The following GPD2 variants were observed in gnomAD, a reference collection of about 807,000 sequenced individuals.
The protein encoded by GPD2 is glycerol-3-phosphate dehydrogenase, mitochondrial.
GPD2 carries 54 observed loss-of-function variants against 82.4 expected under a neutral mutation model. The ratio of observed to expected loss-of-function variants is 0.66; its 90% CI spans 0.53 to 0.82. The LOEUF is 0.82. Ranked by LOEUF, GPD2 falls within the 40% of genes least tolerant of loss-of-function variation. The probability of loss-of-function intolerance (pLI) is 0.00; values close to 1 mark genes in which losing one functional copy is unlikely to be tolerated. For synonymous variants in GPD2, 288 were observed against 306.1 expected (o/e 0.94, Z 0.62); for missense variants, 748 against 896.2 (o/e 0.83, Z 2.11).
chr2:156,493,454 CTG>C (rs1684256138), intron 2 of GPD2, among the ~76,000 whole-genome samples: 2 of 151,916 alleles, frequency 1.3e-5, no homozygotes, highest in Non-Finnish European at 2.9e-5. Flanking sequence ...ATTGTTGAGA[CTG>C]AGATAGGTTA....
chr2:156,423,631 A>G, the GPD2 span, among the ~76,000 whole-genome samples: 33 of 152,316 alleles, frequency 2.2e-4, no homozygotes, highest in Non-Finnish European at 3.8e-4. Context: ...GTTACAGAAT[A>G]TATTTTATTT....
intron 3 of GPD2, among the ~76,000 whole-genome samples, chr2:156,503,118 C>G (rs1684651612): frequency 6.6e-6 from 1 of 152,124 alleles, no homozygotes; most frequent in African/African-American, 2.4e-5. Flanking sequence ...GGTGCTGGTG[C>G]CAAGGCTGTG....
At chr2:156,433,753 G>A (rs1219859787), upstream of GPD2, among the ~76,000 whole-genome samples, 3 of 152,190 alleles carry the variant, frequency 2.0e-5, no homozygotes, top group East Asian at 3.9e-4. Context: ...AGCTGACATA[G>A]TATGGATTGG....
At chr2:156,562,080 G>T (rs1687196068) in intron 9 of GPD2, among the ~76,000 whole-genome samples, 1 of 152,190 alleles carries the variant, frequency 6.6e-6, no homozygotes, top group African/African-American at 2.4e-5. Flanking sequence ...CTGTGTAGAG[G>T]TTAATCAGAA....
chr2:156,421,167 G>C, the GPD2 span, among the ~76,000 whole-genome samples: 1 of 152,162 alleles, frequency 6.6e-6, no homozygotes, highest in Admixed American at 6.5e-5. Context: ...GAGTAGCAAA[G>C]ATCTAGAATA....
chr2:156,507,823 C>A (rs538018094), intron 3 of GPD2, among the ~76,000 whole-genome samples: 2 of 152,274 alleles, frequency 1.3e-5, no homozygotes, highest in South Asian at 4.1e-4. Flanking sequence ...TTTGTACCTG[C>A]ACTCCAACCC....
intron 1 of GPD2, among the ~76,000 whole-genome samples, chr2:156,458,882 G>A (rs1194499083): frequency 6.6e-6 from 1 of 151,960 alleles, no homozygotes; most frequent in Non-Finnish European, 1.5e-5. Flanking sequence ...ACACAAGGAA[G>A]AAAATAAAAA....
chr2:156,562,066 T>C (rs956356287), intron 9 of GPD2, among the ~76,000 whole-genome samples: 1 of 152,256 alleles, frequency 6.6e-6, no homozygotes, highest in Admixed American at 6.5e-5. Flanking sequence ...TATCATTAAG[T>C]CTGCTGTGTA....
chr2:156,403,639 G>C, the GPD2 span, among the ~76,000 whole-genome samples: 2 of 152,018 alleles, frequency 1.3e-5, no homozygotes, highest in East Asian at 1.9e-4. Context: ...GTGTGTGTGC[G>C]CCTGCATGCA....
At chr2:156,416,153 C>G in the GPD2 span, among the ~76,000 whole-genome samples, 116 of 151,798 alleles carry the variant, frequency 7.6e-4, 1 homozygote, top group African/African-American at 2.7e-3. Context: ...GTATATACCA[C>G]AGTTCTTTGG....
At chr2:156,557,609 C>T (rs773576712) in intron 9 of GPD2, 27 bp downstream of exon 9, 1 of 1,272,686 alleles carries the variant, frequency 7.9e-7, no homozygotes, top group Non-Finnish European at 1.2e-6. Context: ...TTAAGTTTGT[C>T]TCTCTGTGTC....
At chr2:156,402,784 G>C in the GPD2 span, among the ~76,000 whole-genome samples, 1 of 152,010 alleles carries the variant, frequency 6.6e-6, no homozygotes, top group Non-Finnish European at 1.5e-5. Flanking sequence ...CCAAAGTGTT[G>C]GGATTACAGG....
chr2:156,498,644 G>A (rs1459393314), intron 3 of GPD2, among the ~76,000 whole-genome samples: 1 of 152,124 alleles, frequency 6.6e-6, no homozygotes, highest in African/African-American at 2.4e-5. Context: ...TTATTGAATA[G>A]ATCACTTGGA....
At chr2:156,460,211 A>G (rs1573891024) in intron 1 of GPD2, among the ~76,000 whole-genome samples, 1 of 152,228 alleles carries the variant, frequency 6.6e-6, no homozygotes, top group Non-Finnish European at 1.5e-5. Flanking sequence ...GCTGAATTCC[A>G]TCAGCTATGT....
the GPD2 span, among the ~76,000 whole-genome samples, chr2:156,403,173 A>G: frequency 1.9e-3 from 291 of 151,874 alleles, no homozygotes; most frequent in African/African-American, 6.6e-3. Context: ...GTAAAACATT[A>G]CTAGTGGCCT....
At chr2:156,462,467 TTTTTTTGTA>T (rs1000747946) in intron 1 of GPD2, among the ~76,000 whole-genome samples, 9 of 150,084 alleles carry the variant, frequency 6.0e-5, no homozygotes, top group Non-Finnish European at 1.2e-4. Flanking sequence ...TTTTTTTTTT[TTTTTTTGTA>T]TTTTTAGTAG....
Position 156,585,822 on chromosome 2 carries a change from C to A in GPD2, c.*2904C>A, listed in dbSNP as rs1368967695. On this transcript the variant is annotated 3_prime_UTR_variant, in exon 17 of 17. Coordinates refer to ENST00000438166, the MANE Select transcript of GPD2 (RefSeq NM_000408.5). ...CTTGCGATGTTTGCATCATGTCAAC[C>A]TTTTTGAAGGAGTGAAAAAGCCCTA... 1 of 152,406 alleles carries A rather than the reference C, an allele frequency of 6.6e-6. No homozygotes were observed. Among genetic ancestry groups the A allele is most frequent in the East Asian group, 1.9e-4 (1 of 5,168 alleles). The allele number at this position is 152,406 out of a possible 1,614,324, so 9.4% of individuals were successfully genotyped here. A position where few individuals can be genotyped will look rare whatever the true frequency, so the allele number is the denominator to read the frequency against.
chr2:156,487,471 A>G (rs1026800000), intron 2 of GPD2, among the ~76,000 whole-genome samples: 1 of 152,230 alleles, frequency 6.6e-6, no homozygotes, highest in African/African-American at 2.4e-5. Context: ...AGGCAGATCT[A>G]GAGGCCCAAG....
At chr2:156,476,827 T>A (rs753280505) in intron 2 of GPD2, among the ~76,000 whole-genome samples, 1 of 152,326 alleles carries the variant, frequency 6.6e-6, no homozygotes, top group South Asian at 2.1e-4. Context: ...TTTTGCTGAA[T>A]GGCTTTGTTC....
Sources: allele counts gnomAD v4.1 joint callset (sites outside exome capture counted in the v4.1 genomes callset), GRCh38; gene constraint gnomAD v4.1.1; transcripts MANE v1.5; gene names NCBI Gene and HGNC (gene_info 2026-07-23, HGNC 2026-07-21).